The following RALYL variants were observed in gnomAD, a reference collection of about 807,000 sequenced individuals.
The protein encoded by RALYL is RALY RNA binding protein like, also known as RNA-binding Raly-like protein.
Under a neutral mutation model 35.1 loss-of-function variants are expected in RALYL, and 29 were observed. That is an observed-to-expected ratio of 0.83 (90% CI 0.61 to 1.13). The LOEUF (loss-of-function observed/expected upper bound fraction) is 1.13. RALYL is among the 50% of genes most tolerant of loss of function. The probability of loss-of-function intolerance (pLI) is 0.00; values close to 1 mark genes in which losing one functional copy is unlikely to be tolerated. For missense variants in RALYL, 359 were observed against 360.4 expected (o/e 1.00, Z 0.03); for synonymous variants, 120 against 127.6 (o/e 0.94, Z 0.40).
chr8:84,899,422 T>G (rs1427248241), intron 8 of RALYL, among the ~76,000 whole-genome samples: 3 of 152,160 alleles, frequency 2.0e-5, no homozygotes, highest in Admixed American at 1.3e-4. Context: ...TAAATATCTG[T>G]TAAAGAAAGA....
rs1829851975 is a variant in RALYL at position 84,249,917 on chromosome 8, A to G, written c.-24+65493A>G. Among the ~76,000 whole-genome samples the G allele has an allele frequency of 2.0e-5, 3 of 152,052 alleles. No individual in the cohort carries two copies. The South Asian group carries it at 6.2e-4, about 32-fold the overall frequency. On this transcript the variant is annotated intron_variant, in intron 1 of 8. Transcript: ENST00000521268. The stretch of plus-strand genomic sequence containing the variant: ...TGCACATAACCAAGCTATTAATAAT[A>G]AAATAACAAGAAGATATAAAAAGGT...
At chr8:84,326,602 C>T (rs543242607) in intron 1 of RALYL, among the ~76,000 whole-genome samples, 2 of 152,004 alleles carry the variant, frequency 1.3e-5, no homozygotes, top group Non-Finnish European at 2.9e-5. Context: ...TTATACCAGC[C>T]CAATAAATAC....
chr8:84,424,022 T>C (rs2046020878), intron 1 of RALYL, among the ~76,000 whole-genome samples: 1 of 151,978 alleles, frequency 6.6e-6, no homozygotes, highest in African/African-American at 2.4e-5. Flanking sequence ...CTGACAATTA[T>C]GTGTCTTGGA....
At chr8:84,268,925 G>T (rs1479651783) in intron 1 of RALYL, among the ~76,000 whole-genome samples, 1 of 152,116 alleles carries the variant, frequency 6.6e-6, no homozygotes, top group Non-Finnish European at 1.5e-5. Context: ...TAATCTACTA[G>T]CATATACAGT....
intron 2 of RALYL, among the ~76,000 whole-genome samples, chr8:84,538,272 A>G (rs2059762730): frequency 1.3e-5 from 2 of 152,166 alleles, no homozygotes; most frequent in African/African-American, 4.8e-5. Flanking sequence ...AATTTTTTTC[A>G]TTAAAACTAT....
At chr8:84,749,823 T>C (rs1195431265) in intron 2 of RALYL, among the ~76,000 whole-genome samples, 2 of 152,212 alleles carry the variant, frequency 1.3e-5, no homozygotes, top group East Asian at 1.9e-4. Context: ...AATTCAATTC[T>C]GTGAACAGAA....
intron 1 of RALYL, among the ~76,000 whole-genome samples, chr8:84,389,197 T>G (rs1334055434): frequency 2.6e-5 from 4 of 152,174 alleles, no homozygotes; most frequent in Non-Finnish European, 5.9e-5. Context: ...GTTCCATTGA[T>G]CTATATCTCT....
intron 1 of RALYL, among the ~76,000 whole-genome samples, chr8:84,206,107 A>T (rs1439223279): frequency 6.6e-6 from 1 of 152,190 alleles, no homozygotes; most frequent in African/African-American, 2.4e-5. Flanking sequence ...CCAAATGCAG[A>T]CATATTCTGG....
chr8:84,328,959 T>G lies in RALYL; in HGVS notation c.-24+144535T>G, dbSNP rs189730542. ...GATTTCATTCGTTTTAAGGTTACAT[T>G]GTATTCCACGGTGTATGTGTACCAC... On this transcript the variant is annotated intron_variant, in intron 1 of 8. Transcript: ENST00000521268. Among the ~76,000 whole-genome samples the G allele has an allele frequency of 7.6e-4, 115 of 152,294 alleles. 1 individual carries two copies. The highest frequency in any genetic ancestry group is 3.7e-3 in the Admixed American group (56 of 15,272).
chr8:84,689,782 A>G (rs1033046535), intron 2 of RALYL, among the ~76,000 whole-genome samples: 3 of 152,190 alleles, frequency 2.0e-5, no homozygotes. Context: ...AACTGGTGTG[A>G]GATGATATCT....
chr8:84,754,255 A>T (rs958197579), intron 2 of RALYL, among the ~76,000 whole-genome samples: 3 of 126,648 alleles, frequency 2.4e-5, no homozygotes, highest in African/African-American at 1.0e-4. Context: ...GTATAATAAT[A>T]AAAAAAAAAA....
chr8:84,725,737 A>G (rs1439007531), intron 2 of RALYL, among the ~76,000 whole-genome samples: 4 of 151,690 alleles, frequency 2.6e-5, no homozygotes, highest in Non-Finnish European at 5.9e-5. Context: ...ATGCAGATAA[A>G]TGAAACCCAT....
At chr8:84,718,438 T>C (rs1843293119) in intron 2 of RALYL, among the ~76,000 whole-genome samples, 2 of 152,158 alleles carry the variant, frequency 1.3e-5, no homozygotes, top group Admixed American at 6.6e-5. Flanking sequence ...TAAAGACAGA[T>C]TTTTTAATTA....
At chr8:84,441,142 C>T (rs952106192) in intron 1 of RALYL, among the ~76,000 whole-genome samples, 1 of 151,944 alleles carries the variant, frequency 6.6e-6, no homozygotes, top group East Asian at 1.9e-4. Flanking sequence ...ATGTATAAAA[C>T]AGTCTTTAAA....
Position 84,789,113 on chromosome 8 carries a change from GA to G in RALYL, c.332+14464del, listed in dbSNP as rs1820215856. Among the ~76,000 whole-genome samples the G allele has an allele frequency of 7.2e-5, 11 of 152,312 alleles. No homozygotes were observed. The South Asian group carries it at 2.3e-3, about 32-fold the overall frequency. On this transcript the variant is annotated intron_variant, in intron 3 of 8. Coordinates refer to ENST00000521268, the MANE Select transcript of RALYL (RefSeq NM_173848.7). ...AGTATGCAGAGCGTGGGACATGACAGAAAAACAGGAGACACATGATGTATTC... is the reference window on the plus strand; with the variant it reads ...AGTATGCAGAGCGTGGGACATGACAGAAAACAGGAGACACATGATGTATTC...
At chr8:84,212,559 G>C (rs1357051328) in intron 1 of RALYL, among the ~76,000 whole-genome samples, 1 of 152,104 alleles carries the variant, frequency 6.6e-6, no homozygotes, top group Non-Finnish European at 1.5e-5. Flanking sequence ...AAAGGTTATT[G>C]CTTCATCTAA....
rs1272457569 is a variant in RALYL at position 84,203,421 on chromosome 8, G to A, written c.-24+18997G>A. Among the ~76,000 whole-genome samples, 3 of 151,952 alleles carry A rather than the reference G, an allele frequency of 2.0e-5. No homozygotes were observed. In the South Asian group the frequency reaches 6.2e-4, roughly 31 times the overall value. On this transcript the variant is annotated intron_variant, in intron 1 of 8. Transcript: ENST00000521268. ...AAGTGCTTTTATTTAATTTACCCATGTGTTAAGTGGGGTGTTCTCCCATCA... is the reference window on the plus strand; with the variant it reads ...AAGTGCTTTTATTTAATTTACCCATATGTTAAGTGGGGTGTTCTCCCATCA...
chr8:84,310,102 G>A (rs1472199702), intron 1 of RALYL, among the ~76,000 whole-genome samples: 2 of 151,544 alleles, frequency 1.3e-5, no homozygotes, highest in Non-Finnish European at 1.5e-5. Context: ...AGGCTGGAGT[G>A]CAATGGCATG....
intron 1 of RALYL, among the ~76,000 whole-genome samples, chr8:84,496,285 A>G (rs1226015251): frequency 6.6e-6 from 1 of 152,176 alleles, no homozygotes; most frequent in Non-Finnish European, 1.5e-5. Flanking sequence ...TGAATAAGCA[A>G]GGTAGTTAAA....
Sources: allele counts gnomAD v4.1 joint callset (sites outside exome capture counted in the v4.1 genomes callset), GRCh38; gene constraint gnomAD v4.1.1; transcripts MANE v1.5; gene names NCBI Gene and HGNC (gene_info 2026-07-23, HGNC 2026-07-21).